Variants in DCC observed in about 807,000 individuals in gnomAD.
The protein encoded by DCC is netrin receptor DCC.
Under a neutral mutation model 172.5 loss-of-function variants are expected in DCC, and 58 were observed. That is an observed-to-expected ratio of 0.34 (90% CI 0.27 to 0.42). The LOEUF (loss-of-function observed/expected upper bound fraction) is 0.42, where lower values mean the gene tolerates loss of function less well. DCC is among the 10% of genes least tolerant of loss of function. The probability of loss-of-function intolerance (pLI) is 1.00; values close to 1 mark genes in which losing one functional copy is unlikely to be tolerated. For synonymous variants in DCC, 709 were observed against 644.5 expected, an observed-to-expected ratio of 1.10 and a Z score of -1.52; for missense variants, 1,740 against 1,791.0, an observed-to-expected ratio of 0.97 and a Z score of 0.51.
chr18:53,008,413 A>G (rs1001261629), intron 5 of DCC, among the ~76,000 whole-genome samples: 3 of 152,046 alleles, frequency 2.0e-5, no homozygotes, highest in Non-Finnish European at 4.4e-5. Context: ...TTACTCCAAG[A>G]TATGTTTCTG....
intron 1 of DCC, among the ~76,000 whole-genome samples, chr18:52,456,562 G>A (rs1369801263): frequency 1.3e-5 from 2 of 152,060 alleles, no homozygotes; most frequent in Non-Finnish European, 2.9e-5. Flanking sequence ...ACGATATTAA[G>A]GTTTAAAAAA....
chr18:53,236,849 T>G (rs2056209447), intron 12 of DCC, among the ~76,000 whole-genome samples: 1 of 152,070 alleles, frequency 6.6e-6, no homozygotes, highest in South Asian at 2.1e-4. Context: ...AATTATTTAG[T>G]GCCTTTCTTG....
Position 53,486,919 on chromosome 18 carries a change from C to T in DCC, c.3859C>T (p.Leu1287Phe), listed in dbSNP as rs2045907444. The part of the protein sequence containing the change: ...FTLRPVPFPT[L>F]SVDRGFGAGR... ...TCTCCGGCCTGTGCCATTCCCAACA[C>T]TCTCAGTGGACCGAGGTTTCGGAGC... Residue 1287 changes from leucine (L) to phenylalanine (F), a missense_variant, in exon 26 of 29, where the codon CTC (leucine) becomes TTC (phenylalanine). Physicochemically the swap from Leu to Phe is conservative, Grantham distance 22. Transcript: ENST00000442544. The T allele has an allele frequency of 1.9e-6, 3 of 1,614,114 alleles. No homozygotes were observed. Among genetic ancestry groups the T allele is most frequent in the African/African-American group, 1.3e-5 (1 of 74,934 alleles).
intron 7 of DCC, among the ~76,000 whole-genome samples, chr18:53,104,249 G>C (rs983589160): frequency 6.6e-6 from 1 of 151,948 alleles, no homozygotes; most frequent in African/African-American, 2.4e-5. Context: ...TTGGCTCTGC[G>C]TCCCCACCCA....
intron 27 of DCC, among the ~76,000 whole-genome samples, chr18:53,502,373 A>G (rs1432676494): frequency 2.0e-5 from 3 of 152,148 alleles, no homozygotes; most frequent in African/African-American, 2.4e-5. Context: ...TGATTTTCAA[A>G]TAAGTTCTTC....
chr18:53,226,930 G>GTATATATA (rs1290601706), intron 12 of DCC, among the ~76,000 whole-genome samples: 14 of 48,596 alleles, frequency 2.9e-4, no homozygotes, highest in African/African-American at 1.0e-3. Flanking sequence ...GTGTGTGTGT[G>GTATATATA]TGTGTATATA....
intron 12 of DCC, among the ~76,000 whole-genome samples, chr18:53,230,416 C>A (rs1193555074): frequency 6.6e-6 from 1 of 151,898 alleles, no homozygotes; most frequent in Non-Finnish European, 1.5e-5. Flanking sequence ...TGTTAGAAAA[C>A]AAAGTTCTCT....
chr18:52,347,094 C>T (rs1376973593), intron 1 of DCC, among the ~76,000 whole-genome samples: 1 of 152,156 alleles, frequency 6.6e-6, no homozygotes, highest in Non-Finnish European at 1.5e-5. Context: ...ACTGAATTAA[C>T]TGAATCTTTA....
intron 5 of DCC, among the ~76,000 whole-genome samples, chr18:52,946,108 C>A (rs537683190): frequency 6.6e-6 from 1 of 151,466 alleles, no homozygotes; most frequent in African/African-American, 2.4e-5. Context: ...TCACCTCTTC[C>A]ATTTTTCTCT....
chr18:53,517,737 T>G (rs901529031), intron 27 of DCC, among the ~76,000 whole-genome samples: 1 of 151,890 alleles, frequency 6.6e-6, no homozygotes, highest in South Asian at 2.1e-4. Flanking sequence ...TGAGGAGAAA[T>G]AAGAAGGTTG....
At chr18:52,573,989 A>G (rs1465640442) in intron 1 of DCC, among the ~76,000 whole-genome samples, 3 of 152,094 alleles carry the variant, frequency 2.0e-5, no homozygotes, top group Non-Finnish European at 4.4e-5. Flanking sequence ...CAAGTATTTA[A>G]CCACATGCAT....
intron 14 of DCC, 127 bp downstream of exon 14, chr18:53,322,284 A>G (rs992089223): frequency 1.4e-6 from 1 of 696,106 alleles, no homozygotes. Flanking sequence ...TTCACATGCA[A>G]AACACAACAG....
intron 5 of DCC, among the ~76,000 whole-genome samples, chr18:52,931,522 T>C (rs2040306447): frequency 6.6e-6 from 1 of 152,120 alleles, no homozygotes; most frequent in African/African-American, 2.4e-5. Flanking sequence ...AAGTAGAATA[T>C]CATTTTATAG....
rs898343083 is a variant in DCC, at chr18:52,710,512, G to T, written c.92-41542G>T. Among the ~76,000 whole-genome samples the T allele has an allele frequency of 2.0e-5, 3 of 152,210 alleles. No individual in the cohort carries two copies. In the East Asian group the frequency reaches 5.8e-4, roughly 29 times the overall value. On this transcript the variant is annotated intron_variant, in intron 1 of 28. Coordinates refer to ENST00000442544, the MANE Select transcript of DCC (RefSeq NM_005215.4). ...CACTTGCATGTGCCTGTTGATGTGTGTGTGTATATATGTGCACATGTGCAT... is the reference window on the plus strand; with the variant it reads ...CACTTGCATGTGCCTGTTGATGTGTTTGTGTATATATGTGCACATGTGCAT...
Position 53,305,581 on chromosome 18 carries a change from A to G in DCC, c.1915A>G (p.Ile639Val), listed in dbSNP as rs373576496. The change falls in exon 13 of 29, where the codon ATC becomes GTC. Residue 639 changes from isoleucine to valine, a missense_variant. Around this residue, in one of 2 missense-constraint regions of DCC, gnomAD observed 1,732 missense variants for 1,767.4 expected, o/e 0.98. Coordinates refer to ENST00000442544, the MANE Select transcript of DCC (RefSeq NM_005215.4). The stretch of plus-strand genomic sequence containing the variant: ...ATTTACACCTATTATTTTACAGAGT[A>G]TCAAAGTTAGCTGGCTGCCTCCTCC... ...VSLEVVNSRSIKVSWLPPPSG... is the reference protein window; with the variant it reads ...VSLEVVNSRSVKVSWLPPPSG... 7 of 1,610,962 alleles carry G rather than the reference A, an allele frequency of 4.3e-6. 1 individual carries two copies. Among genetic ancestry groups the G allele is most frequent in the African/African-American group, 1.3e-5 (1 of 74,800 alleles).
At chr18:52,732,830 G>T (rs2036665520) in intron 1 of DCC, among the ~76,000 whole-genome samples, 1 of 151,950 alleles carries the variant, frequency 6.6e-6, no homozygotes, top group Admixed American at 6.6e-5. Flanking sequence ...TAAAGTATTG[G>T]TTCATTTGTT....
Position 52,397,312 on chromosome 18 carries a change from C to T in DCC, c.91+56434C>T, listed in dbSNP as rs1291962699. On this transcript the variant is annotated intron_variant, in intron 1 of 28. Transcript: ENST00000442544. Reference sequence around the variant, plus strand: ...GCATTCTGGAGATCATATTGAGAATCACTCGCTTATAGCATCTATCTGTAT... The same window carrying T: ...GCATTCTGGAGATCATATTGAGAATTACTCGCTTATAGCATCTATCTGTAT... 1.3e-5 allele frequency among the ~76,000 whole-genome samples: 2 copies of T among 151,994 alleles called. 1 individual carries two copies. Among genetic ancestry groups the T allele is most frequent in the South Asian group, 4.1e-4 (2 of 4,826 alleles).
intron 5 of DCC, among the ~76,000 whole-genome samples, chr18:53,037,402 C>A (rs770829178): frequency 2.0e-5 from 3 of 151,944 alleles, no homozygotes; most frequent in Non-Finnish European, 2.9e-5. Flanking sequence ...CTTAATAAGG[C>A]ACAATGTCCA....
chr18:52,481,158 C>T (rs1049811984), intron 1 of DCC, among the ~76,000 whole-genome samples: 1 of 152,098 alleles, frequency 6.6e-6, no homozygotes, highest in Non-Finnish European at 1.5e-5. Context: ...CATTTTCATG[C>T]AAATTAATTT....
Sources: gnomAD v4.1 joint callset for allele counts (sites outside exome capture counted in the v4.1 genomes callset) on GRCh38, gnomAD v4.1.1 for gene constraint, gnomAD v4.1.1 regional missense constraint, MANE v1.5 for transcripts, NCBI Gene and HGNC (gene_info 2026-07-23, HGNC 2026-07-21) for gene names.